The following STK32B variants were observed in gnomAD, a reference collection of about 807,000 sequenced individuals.
The protein encoded by STK32B is serine/threonine-protein kinase 32B.
In STK32B, 43 loss-of-function variants were observed where a neutral mutation model predicts 52.6. The ratio of observed to expected loss-of-function variants is 0.82; its 90% CI spans 0.64 to 1.05. STK32B has a LOEUF of 1.05. Ranked by LOEUF, STK32B falls within the 50% of genes least tolerant of loss-of-function variation. The pLI is 0.00. For missense variants in STK32B, 621 were observed against 534.6 expected, an observed-to-expected ratio of 1.16 and a Z score of -1.59; for synonymous variants, 238 against 204.3, an observed-to-expected ratio of 1.17 and a Z score of -1.41.
At chr4:5,444,575 A>G (rs527376412) in intron 6 of STK32B, among the ~76,000 whole-genome samples, 89 of 152,066 alleles carry the variant, frequency 5.9e-4, no homozygotes, top group Admixed American at 1.5e-3. Context: ...CGTCGCTCAC[A>G]CTGGGAGCTG....
chr4:5,148,828 T>C (rs1053805073), intron 2 of STK32B, among the ~76,000 whole-genome samples: 8 of 151,990 alleles, frequency 5.3e-5, no homozygotes, highest in Admixed American at 3.3e-4. Flanking sequence ...GTGTAAAATA[T>C]CCAACTATGA....
chr4:5,205,046 G>A (rs1722460435), intron 3 of STK32B, among the ~76,000 whole-genome samples: 2 of 152,152 alleles, frequency 1.3e-5, no homozygotes, highest in African/African-American at 4.8e-5. Context: ...CTAATCCCTG[G>A]AGGGCCCGAG....
chr4:5,300,950 C>T (rs1418226488), intron 3 of STK32B, among the ~76,000 whole-genome samples: 2 of 151,444 alleles, frequency 1.3e-5, no homozygotes, highest in Non-Finnish European at 2.9e-5. Context: ...ATTAGGGGGA[C>T]ACCTCCTTCT....
chr4:5,063,087 C>T (rs1742278143), intron 1 of STK32B, among the ~76,000 whole-genome samples: 1 of 152,054 alleles, frequency 6.6e-6, no homozygotes, highest in African/African-American at 2.4e-5. Flanking sequence ...GCATATATAT[C>T]AGATTTCCTC....
chr4:5,481,581 T>C (rs952305947), intron 11 of STK32B, among the ~76,000 whole-genome samples: 6 of 152,222 alleles, frequency 3.9e-5, no homozygotes. Flanking sequence ...AGAAGCTCTT[T>C]AGTTTAATTA....
intron 3 of STK32B, among the ~76,000 whole-genome samples, chr4:5,201,823 A>G (rs1003466559): frequency 6.6e-6 from 1 of 152,182 alleles, no homozygotes; most frequent in African/African-American, 2.4e-5. Flanking sequence ...AACTGGTCCC[A>G]TGATCAGATC....
the STK32B span, among the ~76,000 whole-genome samples, chr4:5,041,943 G>A: frequency 6.6e-6 from 1 of 152,086 alleles, no homozygotes; most frequent in Non-Finnish European, 1.5e-5. Flanking sequence ...AACAAAATCT[G>A]ATATAGCAGA....
At chr4:5,430,271 C>G (rs1713462143) in intron 6 of STK32B, among the ~76,000 whole-genome samples, 1 of 152,194 alleles carries the variant, frequency 6.6e-6, no homozygotes, top group African/African-American at 2.4e-5. Context: ...CCTCTTCTCC[C>G]CATCCCCCAC....
intron 4 of STK32B, among the ~76,000 whole-genome samples, chr4:5,338,671 C>T (rs1319907715): frequency 2.6e-5 from 4 of 152,164 alleles, no homozygotes; most frequent in Non-Finnish European, 5.9e-5. Flanking sequence ...GACAGCATGG[C>T]TGGCTGGAGC....
At chr4:5,472,849 G>A (rs1283754359) in intron 11 of STK32B, among the ~76,000 whole-genome samples, 1 of 151,922 alleles carries the variant, frequency 6.6e-6, no homozygotes, top group East Asian at 1.9e-4. Flanking sequence ...CTTTAATCTA[G>A]GGTTTCTCAA....
chr4:5,496,773 AT>A (rs937065220), intron 11 of STK32B, among the ~76,000 whole-genome samples: 2 of 151,912 alleles, frequency 1.3e-5, no homozygotes, highest in African/African-American at 4.8e-5. Flanking sequence ...TATGAAGAGA[AT>A]GTCTTTAACA....
intron 1 of STK32B, among the ~76,000 whole-genome samples, chr4:5,097,235 A>C (rs925824137): frequency 3.9e-5 from 6 of 152,256 alleles, no homozygotes; most frequent in African/African-American, 1.4e-4. Flanking sequence ...TTTCTGCCAT[A>C]AATGGATGTG....
At chr4:5,331,571 C>T (rs1732254582) in intron 4 of STK32B, among the ~76,000 whole-genome samples, 178 bp downstream of exon 4, 1 of 152,110 alleles carries the variant, frequency 6.6e-6, no homozygotes, top group Non-Finnish European at 1.5e-5. Context: ...ACAACCAGCA[C>T]CTACATCTCC....
chr4:5,046,524 T>C (rs943890224), upstream of STK32B, among the ~76,000 whole-genome samples: 5 of 151,794 alleles, frequency 3.3e-5, 1 homozygote, highest in Middle Eastern at 0.014. Context: ...ATGGGATCTA[T>C]TTAAATTAGC....
intron 1 of STK32B, among the ~76,000 whole-genome samples, chr4:5,129,919 A>G (rs1175463986): frequency 6.6e-6 from 1 of 152,062 alleles, no homozygotes; most frequent in Non-Finnish European, 1.5e-5. Context: ...TGCCTATTAT[A>G]TGCCAGGCAC....
At chr4:5,294,965 G>A (rs898146035) in intron 3 of STK32B, among the ~76,000 whole-genome samples, 1 of 152,054 alleles carries the variant, frequency 6.6e-6, no homozygotes, top group African/African-American at 2.4e-5. Context: ...CTAGTTTATC[G>A]AGTGTTTTTT....
At chr4:5,182,093 AACT>A (rs2108754116) in intron 3 of STK32B, among the ~76,000 whole-genome samples, 1 of 152,314 alleles carries the variant, frequency 6.6e-6, no homozygotes, top group South Asian at 2.1e-4. Flanking sequence ...CATCTTCAGA[AACT>A]ACTTTCTTTG....
chr4:5,174,038 C>A (rs1309715289), intron 3 of STK32B, among the ~76,000 whole-genome samples: 1 of 152,128 alleles, frequency 6.6e-6, no homozygotes, highest in African/African-American at 2.4e-5. Flanking sequence ...TTGAATTGAT[C>A]CCTTTACCAT....
At position 5,466,242 on chromosome 4, in the gene STK32B, CA is replaced by C. The variant is rs375551921; in HGVS notation, c.910-460del. 1.4e-4 allele frequency among the ~76,000 whole-genome samples: 22 copies of C among 152,246 alleles called. No homozygotes were observed. The East Asian group carries it at 2.7e-3, about 19-fold the overall frequency. On this transcript the variant is annotated intron_variant, in intron 9 of 11. Transcript: ENST00000282908. ...CGGAGGGTCAGCTGACTCTAGCTGC[CA>C]GGGGGCGGGAGGCGGGGGTACGGAG...
Sources: allele counts gnomAD v4.1 joint callset (sites outside exome capture counted in the v4.1 genomes callset), GRCh38; gene constraint gnomAD v4.1.1; transcripts MANE v1.5; gene names NCBI Gene and HGNC (gene_info 2026-07-23, HGNC 2026-07-21).